Variants in CSMD1 observed in about 807,000 individuals in gnomAD.
The protein encoded by CSMD1 is CUB and sushi domain-containing protein 1.
CSMD1 carries 213 observed loss-of-function variants against 417.5 expected under a neutral mutation model. That is an observed-to-expected ratio of 0.51 (90% CI 0.46 to 0.57). The LOEUF is 0.57. CSMD1 is among the 20% of genes least tolerant of loss of function. The pLI is 0.00. For missense variants in CSMD1, 6,923 were observed against 4,529.7 expected (o/e 1.53, Z -15.17); for synonymous variants, 2,862 against 1,736.8 (o/e 1.65, Z -16.11).
intron 1 of CSMD1, among the ~76,000 whole-genome samples, chr8:4,703,863 T>C (rs1028701330): frequency 2.0e-5 from 3 of 152,150 alleles, no homozygotes; most frequent in Admixed American, 6.5e-5. Flanking sequence ...AATTTTTCCA[T>C]GGACAGCAGG....
rs3067537 is a variant in CSMD1 at position 4,329,849 on chromosome 8, T to TAC, written c.415+90102_415+90103dup. 5.2e-3 allele frequency among the ~76,000 whole-genome samples: 779 copies of TAC among 150,288 alleles called. 8 individuals carry two copies. Among genetic ancestry groups the TAC allele is most frequent in the African/African-American group, 0.01 (427 of 40,922 alleles). ...AAAAAGTGTGTGGCACCACCCTGCT[T>TAC]ACACACACACACACACACACACACA... On this transcript the variant is annotated intron_variant, in intron 3 of 69. Transcript: ENST00000635120.
intron 5 of CSMD1, among the ~76,000 whole-genome samples, chr8:3,836,880 G>T: frequency 6.6e-6 from 1 of 151,868 alleles, no homozygotes; most frequent in East Asian, 1.9e-4. Context: ...CTTGACTAAA[G>T]CAGTTCTTTA....
chr8:4,358,204 G>T (rs568843505), intron 3 of CSMD1, among the ~76,000 whole-genome samples: 3 of 152,134 alleles, frequency 2.0e-5, no homozygotes, highest in Non-Finnish European at 4.4e-5. Context: ...GTCTTCTGGG[G>T]TGTTATAATT....
intron 5 of CSMD1, among the ~76,000 whole-genome samples, chr8:3,924,959 T>C (rs1419452547): frequency 6.6e-6 from 1 of 152,232 alleles, no homozygotes; most frequent in Non-Finnish European, 1.5e-5. Context: ...TCTGCATTGC[T>C]TTCTTAGCAT....
chr8:3,349,566 G>A (rs1411005527), intron 21 of CSMD1, among the ~76,000 whole-genome samples: 15 of 151,658 alleles, frequency 9.9e-5, no homozygotes, highest in Admixed American at 9.9e-4. Context: ...CGGAAGTGCA[G>A]GCAATTGGTG....
intron 15 of CSMD1, among the ~76,000 whole-genome samples, chr8:3,403,750 T>C (rs1269026953): frequency 3.3e-5 from 5 of 152,280 alleles, no homozygotes; most frequent in Admixed American, 1.3e-4. Flanking sequence ...TAGAATACGA[T>C]TTGCACCTGT....
chr8:3,424,209 C>T (rs1173025868), intron 12 of CSMD1, among the ~76,000 whole-genome samples: 1 of 152,060 alleles, frequency 6.6e-6, no homozygotes. Flanking sequence ...ACAGGAAGCT[C>T]ATTTGTATCT....
chr8:3,498,544 T>C (rs1324123252), intron 10 of CSMD1, among the ~76,000 whole-genome samples: 1 of 152,192 alleles, frequency 6.6e-6, no homozygotes, highest in East Asian at 1.9e-4. Flanking sequence ...CACATATTTC[T>C]CCAAAAATTT....
intron 1 of CSMD1, among the ~76,000 whole-genome samples, chr8:4,897,364 G>A (rs993505456): frequency 6.6e-6 from 1 of 152,058 alleles, no homozygotes; most frequent in African/African-American, 2.4e-5. Flanking sequence ...CCATGGGCGA[G>A]TGGGGTACCA....
chr8:3,295,505 G>C (rs778646438), intron 25 of CSMD1, among the ~76,000 whole-genome samples: 3 of 152,142 alleles, frequency 2.0e-5, no homozygotes, highest in South Asian at 4.1e-4. Context: ...CTTTAAAACT[G>C]TAAGTGTTTT....
intron 5 of CSMD1, among the ~76,000 whole-genome samples, chr8:3,917,677 G>A (rs1482265834): frequency 1.3e-5 from 2 of 152,002 alleles, no homozygotes; most frequent in East Asian, 3.9e-4. Context: ...TTGTACACAT[G>A]TAATGCCATG....
intron 7 of CSMD1, among the ~76,000 whole-genome samples, chr8:3,690,630 C>G (rs534798078): frequency 6.6e-6 from 1 of 152,272 alleles, no homozygotes; most frequent in East Asian, 1.9e-4. Context: ...CTTCCACTCT[C>G]AAAATATTCT....
chr8:3,695,160 G>T (rs1585089240), intron 7 of CSMD1, among the ~76,000 whole-genome samples: 1 of 150,706 alleles, frequency 6.6e-6, no homozygotes, highest in African/African-American at 2.4e-5. Context: ...GGAGCACAGG[G>T]GGACATATTT....
At chr8:4,856,581 C>G (rs1016610825) in intron 1 of CSMD1, among the ~76,000 whole-genome samples, 1 of 141,734 alleles carries the variant, frequency 7.1e-6, no homozygotes, top group African/African-American at 2.8e-5. Flanking sequence ...ATCTACCAAG[C>G]CAATGGAAAA....
intron 2 of CSMD1, among the ~76,000 whole-genome samples, chr8:4,544,043 G>A (rs773815726): frequency 3.9e-5 from 6 of 152,066 alleles, no homozygotes; most frequent in South Asian, 2.1e-4. Context: ...TCAGAAATCC[G>A]TTTTTGCAAT....
At chr8:3,913,133 T>C (rs1164886019) in intron 5 of CSMD1, among the ~76,000 whole-genome samples, 12 of 152,112 alleles carry the variant, frequency 7.9e-5, no homozygotes, top group Admixed American at 7.2e-4. Context: ...TTTGGCACCT[T>C]GAAATTTGAA....
Position 3,430,724 on chromosome 8 carries a change from C to G in CSMD1, c.1562-21119G>C, listed in dbSNP as rs62505602. 1.5e-3 allele frequency among the ~76,000 whole-genome samples: 225 copies of G among 152,148 alleles called. 1 individual carries two copies. Among genetic ancestry groups the G allele is most frequent in the Non-Finnish European group, 2.7e-3 (184 of 68,002 alleles). On this transcript the variant is annotated intron_variant, in intron 12 of 69. Coordinates refer to ENST00000635120, the MANE Select transcript of CSMD1 (RefSeq NM_033225.6). ...CAGGAGGCTGAGGCAAGAGGATCAC[C>G]TGAACCCTGGAGGTGGAGGTTGCAG...
chr8:3,624,013 T>C (rs1333296461), intron 7 of CSMD1, among the ~76,000 whole-genome samples: 1 of 152,030 alleles, frequency 6.6e-6, no homozygotes, highest in Non-Finnish European at 1.5e-5. Flanking sequence ...CTTTCTGTAC[T>C]CTGGCCATAA....
chr8:4,192,745 T>A (rs965252619), intron 3 of CSMD1, among the ~76,000 whole-genome samples: 8 of 152,244 alleles, frequency 5.3e-5, no homozygotes, highest in Non-Finnish European at 8.8e-5. Flanking sequence ...TGCACTTTAG[T>A]GACTTCTATC....
Sources: gnomAD v4.1 joint callset for allele counts (sites outside exome capture counted in the v4.1 genomes callset) on GRCh38, gnomAD v4.1.1 for gene constraint, MANE v1.5 for transcripts, NCBI Gene and HGNC (gene_info 2026-07-23, HGNC 2026-07-21) for gene names.